Variants in CDS1 observed in about 807,000 individuals in gnomAD.
The protein encoded by CDS1 is phosphatidate cytidylyltransferase 1.
Under a neutral mutation model 62.1 loss-of-function variants are expected in CDS1, and 41 were observed. The observed-to-expected ratio is 0.66, with a 90% CI of 0.51 to 0.86. The LOEUF (loss-of-function observed/expected upper bound fraction) is 0.86. Ranked by LOEUF, CDS1 falls within the 40% of genes least tolerant of loss-of-function variation. The probability of loss-of-function intolerance (pLI) is 0.00; values close to 1 mark genes in which losing one functional copy is unlikely to be tolerated. For missense variants in CDS1, 470 were observed against 550.1 expected (o/e 0.85, Z 1.46); for synonymous variants, 185 against 192.6 (o/e 0.96, Z 0.32).
rs557219462 is a variant in CDS1, at chr4:84,599,296, A to G, written c.118-4947A>G. On this transcript the variant is annotated intron_variant, in intron 1 of 12. Transcript: ENST00000295887. ...ATTATCTTACAAAGGTTACCTCCAG[A>G]TAACATTACATTGGAAAATTGCACT... Among the ~76,000 whole-genome samples the G allele has an allele frequency of 1.2e-4, 18 of 151,952 alleles. No homozygotes were observed. In the South Asian group the frequency reaches 2.5e-3, roughly 21 times the overall value.
At chr4:84,641,877 G>A (rs1404867314) in intron 10 of CDS1, among the ~76,000 whole-genome samples, 1 of 152,186 alleles carries the variant, frequency 6.6e-6, no homozygotes, top group Admixed American at 6.5e-5. Context: ...AATTTTTGAG[G>A]AGTAGCTTAA....
intron 5 of CDS1, among the ~76,000 whole-genome samples, chr4:84,624,196 C>G (rs1202596540): frequency 6.6e-6 from 1 of 150,622 alleles, no homozygotes; most frequent in Non-Finnish European, 1.5e-5. Context: ...ATGGCATGAA[C>G]CTGGGTGGCG....
rs750665994 is a variant in CDS1 at position 84,617,622 on chromosome 4, A to G, written c.401A>G (p.Tyr134Cys). 9 of 1,589,922 alleles carry G rather than the reference A, an allele frequency of 5.7e-6. No individual in the cohort carries two copies. The highest frequency in any genetic ancestry group is 4.0e-5 in the African/African-American group (3 of 74,522). Residue 134 changes from tyrosine to cysteine, a missense_variant, in exon 4 of 13, where the codon TAT becomes TGT. Coordinates refer to ENST00000295887, the MANE Select transcript of CDS1 (RefSeq NM_001263.4). ...ATTATCACTATAGGTTATAGAGTCT[A>G]TCATTCTTATGATCTACCATGGTTT... ...HEIITIGYRV[Y>C]HSYDLPWFRT...
intron 2 of CDS1, among the ~76,000 whole-genome samples, chr4:84,609,180 CAA>C (rs1230335142): frequency 5.5e-5 from 5 of 91,460 alleles, no homozygotes; most frequent in Admixed American, 2.1e-4. Context: ...GACTCCGTCT[CAA>C]AAAAAAAAAA....
intron 9 of CDS1, among the ~76,000 whole-genome samples, chr4:84,639,480 A>G (rs569727945): frequency 2.6e-5 from 4 of 152,312 alleles, no homozygotes; most frequent in South Asian, 2.1e-4. Flanking sequence ...CAGTCTAACT[A>G]TAAACTATTA....
intron 6 of CDS1, among the ~76,000 whole-genome samples, chr4:84,633,051 G>A (rs1013218283): frequency 2.6e-4 from 39 of 152,296 alleles, no homozygotes; most frequent in African/African-American, 9.4e-4. Context: ...TTGAACCTGG[G>A]AGGTCAAGGC....
chr4:84,626,225 T>C (rs1203394008), intron 5 of CDS1, among the ~76,000 whole-genome samples: 1 of 152,102 alleles, frequency 6.6e-6, no homozygotes, highest in Non-Finnish European at 1.5e-5. Flanking sequence ...CACAGGCTGA[T>C]CGTAGAACCC....
intron 1 of CDS1, among the ~76,000 whole-genome samples, chr4:84,597,516 G>A (rs1435339096): frequency 6.6e-6 from 1 of 152,076 alleles, no homozygotes; most frequent in Non-Finnish European, 1.5e-5. Flanking sequence ...GGCCCCACCT[G>A]TAGTCCCAGC....
chr4:84,622,856 T>C (rs1374527698), intron 5 of CDS1, among the ~76,000 whole-genome samples: 2 of 152,186 alleles, frequency 1.3e-5, no homozygotes, highest in Admixed American at 6.5e-5. Flanking sequence ...ATAGTAATAG[T>C]TAGCATTAAG....
At chr4:84,594,153 T>C (rs554211899) in intron 1 of CDS1, among the ~76,000 whole-genome samples, 15 of 152,282 alleles carry the variant, frequency 9.9e-5, no homozygotes, top group African/African-American at 3.1e-4. Context: ...GCAAATTAAA[T>C]TGACATAAGA....
chr4:84,630,315 C>T (rs936501835), intron 5 of CDS1, among the ~76,000 whole-genome samples: 4 of 152,094 alleles, frequency 2.6e-5, no homozygotes, highest in Non-Finnish European at 5.9e-5. Context: ...TTTGTGCCTC[C>T]ACTCAGAAAA....
At chr4:84,639,385 A>G (rs1724312547) in intron 9 of CDS1, among the ~76,000 whole-genome samples, 1 of 152,214 alleles carries the variant, frequency 6.6e-6, no homozygotes, top group African/African-American at 2.4e-5. Context: ...GGATGCAAAT[A>G]CTATTGAAAA....
chr4:84,606,732 G>A (rs560196375), intron 2 of CDS1, among the ~76,000 whole-genome samples: 118 of 152,012 alleles, frequency 7.8e-4, no homozygotes, highest in African/African-American at 2.3e-3. Flanking sequence ...CTAGACTGGA[G>A]TGCAGTGGTG....
At chr4:84,589,954 G>A (rs1181595517) in intron 1 of CDS1, among the ~76,000 whole-genome samples, 2 of 152,180 alleles carry the variant, frequency 1.3e-5, no homozygotes, top group East Asian at 1.9e-4. Context: ...GGGACTACAG[G>A]CACCCGCCAC....
At chr4:84,619,899 G>T (rs961539913) in intron 5 of CDS1, among the ~76,000 whole-genome samples, 3 of 151,676 alleles carry the variant, frequency 2.0e-5, no homozygotes, top group Non-Finnish European at 4.4e-5. Context: ...GGGCATAGTG[G>T]CACATGCCTA....
chr4:84,585,292 T>C (rs1053450696), intron 1 of CDS1, among the ~76,000 whole-genome samples: 5 of 152,216 alleles, frequency 3.3e-5, no homozygotes, highest in African/African-American at 1.2e-4. Context: ...AAGTAGACTT[T>C]GCTATATGTA....
Position 84,646,418 on chromosome 4 carries a change from T to A in CDS1, c.1256+1093T>A, listed in dbSNP as rs77183995. ...TCTGGAGATAAGCTTAGATTATTGA[T>A]TTTTAGCCTTCTTATCTAATTTATC... On this transcript the variant is annotated intron_variant, in intron 12 of 12. Coordinates refer to ENST00000295887, the MANE Select transcript of CDS1 (RefSeq NM_001263.4). Among the ~76,000 whole-genome samples the A allele has an allele frequency of 8.3e-3, 1,270 of 152,256 alleles. 18 individuals carry two copies. The highest frequency in any genetic ancestry group is 0.029 in the African/African-American group (1,198 of 41,546).
chr4:84,641,055 A>AT, intron 10 of CDS1, 65 bp downstream of exon 10: 1 of 993,004 alleles, frequency 1.0e-6, no homozygotes, highest in Non-Finnish European at 1.4e-6. Flanking sequence ...AGCTTCCTTT[A>AT]TTATTTATTT....
At chr4:84,600,565 T>C (rs1440942005) in intron 1 of CDS1, among the ~76,000 whole-genome samples, 1 of 152,218 alleles carries the variant, frequency 6.6e-6, no homozygotes, top group African/African-American at 2.4e-5. Context: ...ATGTATAGAA[T>C]TACCTTTGCA....
Sources: allele counts gnomAD v4.1 joint callset (sites outside exome capture counted in the v4.1 genomes callset), GRCh38; gene constraint gnomAD v4.1.1; transcripts MANE v1.5; gene names NCBI Gene and HGNC (gene_info 2026-07-23, HGNC 2026-07-21).